The following TTC28 variants were observed in gnomAD, a reference collection of about 807,000 sequenced individuals.
TTC28 encodes tetratricopeptide repeat protein 28.
TTC28 carries 61 observed loss-of-function variants against 198.0 expected under a neutral mutation model. That is an observed-to-expected ratio of 0.31 (90% CI 0.25 to 0.38). The LOEUF is 0.38. Among genes scored for constraint, TTC28 ranks in the 10% least tolerant of loss-of-function variants. The pLI, the probability that TTC28 is intolerant of heterozygous loss-of-function variation, is 1.00. For missense variants in TTC28, 2,678 were observed against 3,164.0 expected, an observed-to-expected ratio of 0.85 and a Z score of 3.69; for synonymous variants, 1,171 against 1,297.8, an observed-to-expected ratio of 0.90 and a Z score of 2.10.
At chr22:28,356,288 TCA>T (rs369788482) in intron 2 of TTC28, among the ~76,000 whole-genome samples, 6 of 152,160 alleles carry the variant, frequency 3.9e-5, no homozygotes, top group African/African-American at 1.4e-4. Flanking sequence ...CACTTTTCAC[TCA>T]CTCTCCATCC....
chr22:28,593,865 TGTGCAATAGGTAGTG>T (rs1183592165), intron 2 of TTC28, among the ~76,000 whole-genome samples: 1 of 152,172 alleles, frequency 6.6e-6, no homozygotes, highest in African/African-American at 2.4e-5. Flanking sequence ...CTTAAATCCC[TGTGCAATAGGTAGTG>T]GTGGAGTAGG....
intron 6 of TTC28, among the ~76,000 whole-genome samples, chr22:28,138,377 T>C (rs991005333): frequency 6.6e-6 from 1 of 152,112 alleles, no homozygotes; most frequent in Non-Finnish European, 1.5e-5. Context: ...CCAATAAATC[T>C]CTTTCTGTCA....
intron 1 of TTC28, among the ~76,000 whole-genome samples, chr22:28,653,189 C>T (rs1175985344): frequency 6.6e-6 from 1 of 152,064 alleles, no homozygotes; most frequent in Non-Finnish European, 1.5e-5. Context: ...CAGGTCTACT[C>T]CCAGGAGGAA....
chr22:28,554,079 AC>A (rs1368828532), intron 2 of TTC28, among the ~76,000 whole-genome samples: 1 of 151,988 alleles, frequency 6.6e-6, no homozygotes, highest in Non-Finnish European at 1.5e-5. Flanking sequence ...CTTACCCCCA[AC>A]CCTGTGCTCT....
chr22:28,522,568 A>T (rs1411914649), intron 2 of TTC28, among the ~76,000 whole-genome samples: 2 of 151,598 alleles, frequency 1.3e-5, no homozygotes, highest in Non-Finnish European at 2.9e-5. Flanking sequence ...AATTGTAAAT[A>T]ATAGAACTGA....
At chr22:28,207,267 T>C (rs935938228) in intron 5 of TTC28, among the ~76,000 whole-genome samples, 5 of 140,776 alleles carry the variant, frequency 3.6e-5, no homozygotes, top group Admixed American at 7.0e-5. Context: ...CTTCAATAAA[T>C]AGTTCTTTAT....
At chr22:28,042,806 T>C (rs1415718877) in intron 12 of TTC28, among the ~76,000 whole-genome samples, 1 of 151,826 alleles carries the variant, frequency 6.6e-6, no homozygotes, top group African/African-American at 2.4e-5. Context: ...ATGGGCTGCC[T>C]CACATAGGAG....
intron 6 of TTC28, among the ~76,000 whole-genome samples, chr22:28,140,331 T>A (rs1194957252): frequency 6.6e-6 from 1 of 152,086 alleles, no homozygotes; most frequent in Non-Finnish European, 1.5e-5. Context: ...TGCCTCTGAA[T>A]CTCCCCTCAG....
chr22:28,448,604 T>C (rs2047734607), intron 2 of TTC28, among the ~76,000 whole-genome samples: 1 of 152,218 alleles, frequency 6.6e-6, no homozygotes, highest in Non-Finnish European at 1.5e-5. Context: ...GGTAGAAGTG[T>C]ATTTGACACC....
At chr22:28,171,373 C>T (rs35286067) in intron 5 of TTC28, among the ~76,000 whole-genome samples, 8,306 of 152,176 alleles carry the variant, frequency 0.055, 281 homozygotes, top group African/African-American at 0.07. Context: ...TACTCTGTTA[C>T]ACATGGGCAA....
intron 5 of TTC28, among the ~76,000 whole-genome samples, chr22:28,185,283 GTTC>G (rs1924086433): frequency 6.6e-6 from 1 of 151,928 alleles, no homozygotes. Flanking sequence ...ATCTGCTCTT[GTTC>G]TTCTACCCGC....
chr22:28,178,771 C>T (rs962488912), intron 5 of TTC28, among the ~76,000 whole-genome samples: 14 of 152,044 alleles, frequency 9.2e-5, no homozygotes, highest in Admixed American at 2.0e-4. Flanking sequence ...TTTAAGTGTA[C>T]GTTATTATTA....
At chr22:28,568,254 T>C (rs1442439894) in intron 2 of TTC28, among the ~76,000 whole-genome samples, 2 of 152,128 alleles carry the variant, frequency 1.3e-5, no homozygotes, top group Non-Finnish European at 2.9e-5. Flanking sequence ...CAGGAAGACA[T>C]TGGATAACAC....
intron 6 of TTC28, among the ~76,000 whole-genome samples, chr22:28,129,137 G>A (rs919321366): frequency 1.3e-5 from 2 of 152,144 alleles, no homozygotes; most frequent in East Asian, 3.9e-4. Flanking sequence ...TACTCCCAAT[G>A]ACAGCAATCT....
At chr22:28,556,117 G>A (rs899225878) in intron 2 of TTC28, among the ~76,000 whole-genome samples, 33 of 151,776 alleles carry the variant, frequency 2.2e-4, no homozygotes, top group African/African-American at 7.3e-4. Flanking sequence ...CCAGCACTTT[G>A]GGAGGCCAAG....
intron 12 of TTC28, among the ~76,000 whole-genome samples, chr22:28,068,820 T>G (rs1285800394): frequency 1.3e-5 from 2 of 152,240 alleles, no homozygotes; most frequent in East Asian, 3.8e-4. Flanking sequence ...AGGATTTATT[T>G]TTTGGAAATA....
At chr22:28,546,864 C>G (rs1466615429) in intron 2 of TTC28, among the ~76,000 whole-genome samples, 1 of 151,940 alleles carries the variant, frequency 6.6e-6, no homozygotes, top group African/African-American at 2.4e-5. Context: ...GCAAAAGAAG[C>G]CAAACACAAA....
intron 3 of TTC28, among the ~76,000 whole-genome samples, chr22:28,301,574 C>A (rs1299532273): frequency 6.6e-6 from 1 of 152,156 alleles, no homozygotes; most frequent in East Asian, 1.9e-4. Context: ...CAGAGATGCA[C>A]ATTTATTCAC....
At chr22:28,288,775 T>C (rs2044734683) in intron 5 of TTC28, among the ~76,000 whole-genome samples, 1 of 148,320 alleles carries the variant, frequency 6.7e-6, no homozygotes. Flanking sequence ...ATCACGCTAC[T>C]GCACTACAGC....
Sources: gnomAD v4.1 joint callset for allele counts (sites outside exome capture counted in the v4.1 genomes callset) on GRCh38, gnomAD v4.1.1 for gene constraint, MANE v1.5 for transcripts, NCBI Gene and HGNC (gene_info 2026-07-23, HGNC 2026-07-21) for gene names.